Variants in EVI5 observed in about 807,000 individuals in gnomAD.
EVI5 encodes the protein ecotropic viral integration site 5 protein homolog.
Under a neutral mutation model 112.0 loss-of-function variants are expected in EVI5, and 73 were observed. The ratio of observed to expected loss-of-function variants is 0.65; its 90% CI spans 0.54 to 0.79. EVI5 has a LOEUF of 0.79. EVI5 is among the 30% of genes least tolerant of loss of function. The pLI is 0.00. For synonymous variants in EVI5, 305 were observed against 319.9 expected, an observed-to-expected ratio of 0.95 and a Z score of 0.50; for missense variants, 900 against 968.8, an observed-to-expected ratio of 0.93 and a Z score of 0.94.
chr1:92,756,650 C>T, intron 1 of EVI5: 1 of 504,694 alleles, frequency 2.0e-6, no homozygotes, highest in Non-Finnish European at 4.1e-6. Context: ...CCCTCACAGC[C>T]AGTTCACTTT....
At chr1:92,549,830 A>C (rs1210560595) in intron 19 of EVI5, among the ~76,000 whole-genome samples, 3 of 152,236 alleles carry the variant, frequency 2.0e-5, no homozygotes, top group Non-Finnish European at 4.4e-5. Context: ...AATGGTGATC[A>C]TTAAAAAGTC....
intron 2 of EVI5, among the ~76,000 whole-genome samples, chr1:92,733,789 A>G (rs1351835506): frequency 6.6e-6 from 1 of 152,178 alleles, no homozygotes; most frequent in Non-Finnish European, 1.5e-5. Flanking sequence ...GCAAATTATT[A>G]TAATTAATTA....
At chr1:92,661,018 A>AC (rs1558016727) in intron 13 of EVI5, among the ~76,000 whole-genome samples, 15 of 151,288 alleles carry the variant, frequency 9.9e-5, no homozygotes, top group African/African-American at 3.6e-4. Context: ...TTTGGGAAAA[A>AC]ACACACACAC....
intron 19 of EVI5, among the ~76,000 whole-genome samples, chr1:92,522,338 G>T (rs2101735333): frequency 6.6e-6 from 1 of 152,160 alleles, no homozygotes; most frequent in East Asian, 1.9e-4. Context: ...CAGAAAGGTG[G>T]CTAAGAATTT....
chr1:92,766,231 C>T (rs1483850353), intron 1 of EVI5, among the ~76,000 whole-genome samples: 1 of 151,558 alleles, frequency 6.6e-6, no homozygotes, highest in Non-Finnish European at 1.5e-5. Context: ...TTCAAGCTCG[C>T]AAGTGAGGAG....
chr1:92,620,524 G>C (rs954175580), intron 16 of EVI5, among the ~76,000 whole-genome samples: 9 of 150,738 alleles, frequency 6.0e-5, no homozygotes, highest in African/African-American at 2.2e-4. Flanking sequence ...AAGGCAACCA[G>C]AGGAAAAAAT....
At chr1:92,722,227 T>C (rs1377547171) in intron 2 of EVI5, among the ~76,000 whole-genome samples, 1 of 152,198 alleles carries the variant, frequency 6.6e-6, no homozygotes, top group Non-Finnish European at 1.5e-5. Context: ...TTATTAACAA[T>C]AGTAACTGTA....
At chr1:92,521,792 A>G (rs1660981540) in intron 19 of EVI5, among the ~76,000 whole-genome samples, 1 of 152,220 alleles carries the variant, frequency 6.6e-6, no homozygotes, top group Non-Finnish European at 1.5e-5. Context: ...AGGGCATTTT[A>G]AAAGCTTAAC....
chr1:92,586,923 C>A (rs1005458132), intron 18 of EVI5, among the ~76,000 whole-genome samples: 8 of 151,996 alleles, frequency 5.3e-5, no homozygotes, highest in African/African-American at 1.9e-4. Flanking sequence ...ACTAAGTGTA[C>A]ATAAACTAAT....
chr1:92,607,757 T>C, intron 16 of EVI5, 30 bp from the exon 17 acceptor site: 1 of 1,509,144 alleles, frequency 6.6e-7, no homozygotes, highest in Non-Finnish European at 8.9e-7. Flanking sequence ...ATACTGAGAC[T>C]ATAGATACAA....
chr1:92,548,267 T>C (rs1666131836), intron 19 of EVI5, among the ~76,000 whole-genome samples: 1 of 152,220 alleles, frequency 6.6e-6, no homozygotes, highest in Admixed American at 6.5e-5. Flanking sequence ...TCTCAATAGA[T>C]GCAGAAAAGG....
intron 1 of EVI5, among the ~76,000 whole-genome samples, chr1:92,759,094 G>A (rs986776496): frequency 5.9e-5 from 9 of 152,068 alleles, no homozygotes; most frequent in Non-Finnish European, 1.3e-4. Flanking sequence ...GCCGGGTGTG[G>A]TGGCGCACGT....
chr1:92,533,543 G>A (rs1409657497), intron 19 of EVI5, among the ~76,000 whole-genome samples: 1 of 152,058 alleles, frequency 6.6e-6, no homozygotes, highest in African/African-American at 2.4e-5. Flanking sequence ...ATAAAATACT[G>A]GCAAACCGAA....
At chr1:92,756,559 G>T in intron 1 of EVI5, 1 of 517,056 alleles carries the variant, frequency 1.9e-6, no homozygotes. Flanking sequence ...GACTGCTCAT[G>T]ATAATGATGT....
intron 19 of EVI5, among the ~76,000 whole-genome samples, chr1:92,516,816 G>T (rs1333767610): frequency 6.6e-6 from 1 of 151,798 alleles, no homozygotes; most frequent in Non-Finnish European, 1.5e-5. Flanking sequence ...GACTTTCAGG[G>T]GCAAACTATA....
At chr1:92,783,407 G>A (rs1388929103) in intron 1 of EVI5, among the ~76,000 whole-genome samples, 2 of 143,886 alleles carry the variant, frequency 1.4e-5, no homozygotes, top group Admixed American at 7.2e-5. Context: ...GGTGATGTAC[G>A]CCTGTAATCC....
At chr1:92,608,023 C>T (rs1032562065) in intron 16 of EVI5, among the ~76,000 whole-genome samples, 28 of 151,262 alleles carry the variant, frequency 1.9e-4, no homozygotes, top group East Asian at 1.6e-3. Flanking sequence ...TGGTGGCGGG[C>T]ACCTGTAGTC....
intron 1 of EVI5, among the ~76,000 whole-genome samples, chr1:92,771,890 TG>T: frequency 6.6e-6 from 1 of 152,134 alleles, no homozygotes; most frequent in Non-Finnish European, 1.5e-5. Context: ...AGTCTCGCTC[TG>T]TCGCCCAGGC....
At chr1:92,583,876 A>G (rs137928184) in intron 18 of EVI5, among the ~76,000 whole-genome samples, 58 of 152,282 alleles carry the variant, frequency 3.8e-4, no homozygotes, top group African/African-American at 1.3e-3. Context: ...GGCTATTAAC[A>G]TTTACAACAT....
Sources: allele counts gnomAD v4.1 joint callset (sites outside exome capture counted in the v4.1 genomes callset), GRCh38; gene constraint gnomAD v4.1.1; transcripts MANE v1.5; gene names NCBI Gene and HGNC (gene_info 2026-07-23, HGNC 2026-07-21).